Variants in PCDHGB6 observed in about 807,000 individuals in gnomAD.
The protein encoded by PCDHGB6 is protocadherin gamma-B6.
PCDHGB6 carries 51 observed loss-of-function variants against 59.1 expected under a neutral mutation model. That is an observed-to-expected ratio of 0.86 (90% confidence interval 0.69 to 1.09). The LOEUF (loss-of-function observed/expected upper bound fraction) is 1.09. PCDHGB6 is among the 50% of genes least tolerant of loss of function. The probability of loss-of-function intolerance (pLI) is 0.00; values close to 1 mark genes in which losing one functional copy is unlikely to be tolerated. For missense variants in PCDHGB6, 1,148 were observed against 1,205.1 expected (o/e 0.95, Z 0.70); for synonymous variants, 466 against 495.1 (o/e 0.94, Z 0.78).
intron 2 of PCDHGB6, among the ~76,000 whole-genome samples, chr5:141,496,347 T>C (rs1168306693): frequency 6.6e-6 from 1 of 152,198 alleles, no homozygotes; most frequent in Non-Finnish European, 1.5e-5. Context: ...TGGAGGAGTC[T>C]CAGAGCCCAG....
At position 141,487,198 on chromosome 5, in the gene PCDHGB6, T is replaced by A; in HGVS notation, c.2419-7609T>A. The A allele has an allele frequency of 1.2e-6, 2 of 1,613,854 alleles. No individual in the cohort carries two copies. The highest frequency in any genetic ancestry group is 1.7e-6 in the Non-Finnish European group (2 of 1,179,722). ...AAGACACTCATCCAGTTGTCCCAGATCTTCGAGAATCTTCAGCTCCAAGGG... is the reference window on the plus strand; with the variant it reads ...AAGACACTCATCCAGTTGTCCCAGAACTTCGAGAATCTTCAGCTCCAAGGG... On this transcript the variant is annotated intron_variant, in intron 1 of 3. Transcript: ENST00000520790. The surrounding 1 kb of genome is among the most constrained non-coding windows in gnomAD (Gnocchi z 5.0).
chr5:141,434,889 A>C (rs1213631251), intron 1 of PCDHGB6, among the ~76,000 whole-genome samples: 2 of 151,512 alleles, frequency 1.3e-5, no homozygotes, highest in African/African-American at 4.8e-5. Context: ...ACAACAATCC[A>C]GTCCCCTTCC....
At chr5:141,448,542 T>G (rs2098594694) in intron 1 of PCDHGB6, among the ~76,000 whole-genome samples, 1 of 152,210 alleles carries the variant, frequency 6.6e-6, no homozygotes, top group Non-Finnish European at 1.5e-5. Flanking sequence ...GCATTTCTTA[T>G]GCAAATATGT....
At chr5:141,415,904 C>T in intron 1 of PCDHGB6, 1 of 833,428 alleles carries the variant, frequency 1.2e-6, no homozygotes, top group Non-Finnish European at 1.6e-6. Context: ...AGACAGACTT[C>T]CATACAGAAG....
rs1303365585 is a variant in PCDHGB6 at position 141,511,350 on chromosome 5, C to A, written c.*177C>A. 2.1e-5 allele frequency: 30 copies of A among 1,397,076 alleles called. No individual in the cohort carries two copies. Among genetic ancestry groups the A allele is most frequent in the African/African-American group, 1.7e-4 (12 of 68,780 alleles). The allele number at this position is 1,397,076 out of a possible 1,614,324, so 86.5% of individuals were successfully genotyped here. Reference sequence around the variant, plus strand: ...CCCAGTCAGCACCTACCCCTTCCCCCCCAGGGGGTTGAATATGCAAAAGCA... The same window carrying A: ...CCCAGTCAGCACCTACCCCTTCCCCACCAGGGGGTTGAATATGCAAAAGCA... On this transcript the variant is annotated 3_prime_UTR_variant, in exon 4 of 4. Transcript: ENST00000520790.
chr5:141,435,254 G>C (rs1220755047), intron 1 of PCDHGB6, among the ~76,000 whole-genome samples: 1 of 152,018 alleles, frequency 6.6e-6, no homozygotes, highest in African/African-American at 2.4e-5. Flanking sequence ...GGCCATTAGG[G>C]ATATGTCCAT....
chr5:141,492,274 A>C (rs2099739010), intron 1 of PCDHGB6, among the ~76,000 whole-genome samples: 1 of 152,024 alleles, frequency 6.6e-6, no homozygotes, highest in Non-Finnish European at 1.5e-5. Flanking sequence ...CGGGCTCGCC[A>C]CGCCCCGCCA....
At chr5:141,470,416 A>AT (rs1300623208) in intron 1 of PCDHGB6, among the ~76,000 whole-genome samples, 3 of 152,134 alleles carry the variant, frequency 2.0e-5, no homozygotes, top group African/African-American at 7.2e-5. Flanking sequence ...GATTTTATGT[A>AT]TTTTTTCCTT....
chr5:141,423,169 C>T (rs747206648), intron 1 of PCDHGB6: 4 of 1,613,460 alleles, frequency 2.5e-6, no homozygotes, highest in Admixed American at 3.3e-5. Flanking sequence ...GGTGGCCGTC[C>T]AGGACCACGG....
chr5:141,420,934 C>A (rs2096533899), intron 1 of PCDHGB6: 2 of 377,936 alleles, frequency 5.3e-6, no homozygotes, highest in South Asian at 5.3e-5. Flanking sequence ...TGAGCGTAAT[C>A]ATTTCTTCTG....
chr5:141,484,532 G>A (rs1421387882), intron 1 of PCDHGB6, among the ~76,000 whole-genome samples: 1 of 152,182 alleles, frequency 6.6e-6, no homozygotes, highest in Non-Finnish European at 1.5e-5. Context: ...TTGAGTATAT[G>A]GCAGTGGTTC....
intron 1 of PCDHGB6, chr5:141,415,071 G>T: frequency 6.2e-7 from 1 of 1,613,422 alleles, no homozygotes; most frequent in East Asian, 2.2e-5. Flanking sequence ...AGGTGCGCAC[G>T]GCGCGAGCCC....
chr5:141,492,998 C>A (rs2154589328), intron 1 of PCDHGB6, among the ~76,000 whole-genome samples: 1 of 152,334 alleles, frequency 6.6e-6, no homozygotes, highest in Admixed American at 6.5e-5. Flanking sequence ...AGATGGAAAG[C>A]TATAGGCTCT....
chr5:141,408,380 G>T lies in PCDHGB6; in HGVS notation c.178G>T (p.Asp60Tyr). ...LAKDLGLSVL[D>Y]VSARKLRVSA... ...TAAGGATCTAGGGCTCAGTGTCCTGGATGTGTCGGCTCGCAAGCTGCGAGT... is the reference window on the plus strand; with the variant it reads ...TAAGGATCTAGGGCTCAGTGTCCTGTATGTGTCGGCTCGCAAGCTGCGAGT... Residue 60 changes from aspartate to tyrosine, a missense_variant, in exon 1 of 4, where the codon GAT becomes TAT. Asp to Tyr is a radical substitution (Grantham distance 160). Around this residue, in one of 5 missense-constraint regions of PCDHGB6, gnomAD observed 307 missense variants for 323.8 expected, o/e 0.95. Transcript: ENST00000520790. 6.2e-7 allele frequency: 1 copy of T among 1,614,028 alleles called. No individual in the cohort carries two copies. Among genetic ancestry groups the T allele is most frequent in the East Asian group, 2.2e-5 (1 of 44,878 alleles).
In PCDHGB6 at chr5:141,491,856, C is replaced by A. The variant is rs754113958; in HGVS notation, c.2419-2951C>A. On this transcript the variant is annotated intron_variant, in intron 1 of 3. Coordinates refer to ENST00000520790, the MANE Select transcript of PCDHGB6 (RefSeq NM_018926.3). This position sits in a 1 kb window ranked among gnomAD's most constrained non-coding sequence, Gnocchi z 6.9. ...TCTCGGGATCATTGGACCGTTTGCG[C>A]GAAACCAGAGTGGCCGATTAAGGGA... 6.9e-7 allele frequency: 1 copy of A among 1,458,728 alleles called. No individual in the cohort carries two copies. The highest frequency in any genetic ancestry group is 9.1e-7 in the Non-Finnish European group (1 of 1,103,072). The allele number at this position is 1,458,728 out of a possible 1,614,324, so 90.4% of individuals were successfully genotyped here. A position where few individuals can be genotyped will look rare whatever the true frequency, so the allele number is the denominator to read the frequency against.
intron 1 of PCDHGB6, among the ~76,000 whole-genome samples, chr5:141,444,192 A>ATT: frequency 1.9e-5 from 1 of 52,730 alleles, no homozygotes; most frequent in African/African-American, 7.7e-5. Flanking sequence ...TTTTTTTGAG[A>ATT]TGGAGTTTCA....
At chr5:141,445,282 T>G (rs1023693067) in intron 1 of PCDHGB6, among the ~76,000 whole-genome samples, 4 of 152,220 alleles carry the variant, frequency 2.6e-5, no homozygotes, top group Non-Finnish European at 5.9e-5. Context: ...TCTGCATAAG[T>G]TCAGGCTTCC....
At chr5:141,419,259 CG>C in intron 1 of PCDHGB6, 1 of 1,614,016 alleles carries the variant, frequency 6.2e-7, no homozygotes, top group Non-Finnish European at 8.5e-7. Context: ...AACAACCAGC[CG>C]GGTGCCTCCA....
chr5:141,444,897 G>T (rs1445334623), intron 1 of PCDHGB6, among the ~76,000 whole-genome samples: 1 of 152,274 alleles, frequency 6.6e-6, no homozygotes, highest in African/African-American at 2.4e-5. Flanking sequence ...GAATGGGATG[G>T]CATTGCATCT....
Sources: allele counts gnomAD v4.1 joint callset (sites outside exome capture counted in the v4.1 genomes callset), GRCh38; gene constraint gnomAD v4.1.1; regional missense constraint gnomAD v4.1.1; non-coding constraint Gnocchi (gnomAD v3.1); transcripts MANE v1.5; gene names NCBI Gene and HGNC (gene_info 2026-07-23, HGNC 2026-07-21).